The following GRIN2A variants were observed in gnomAD, a reference collection of about 807,000 sequenced individuals.
The protein encoded by GRIN2A is glutamate ionotropic receptor NMDA type subunit 2A.
Under a neutral mutation model 113.4 loss-of-function variants are expected in GRIN2A, and 22 were observed. That is an observed-to-expected ratio of 0.19 (90% CI 0.14 to 0.28). GRIN2A has a LOEUF of 0.28. Among genes scored for constraint, GRIN2A ranks in the 10% least tolerant of loss-of-function variants. The probability of loss-of-function intolerance (pLI) is 1.00; values close to 1 mark genes in which losing one functional copy is unlikely to be tolerated. For missense variants in GRIN2A, 1,502 were observed against 1,887.0 expected, an observed-to-expected ratio of 0.80 and a Z score of 3.78; for synonymous variants, 827 against 738.4, an observed-to-expected ratio of 1.12 and a Z score of -1.94.
At chr16:10,159,544 G>A (rs1382181080) in intron 2 of GRIN2A, among the ~76,000 whole-genome samples, 1 of 151,952 alleles carries the variant, frequency 6.6e-6, no homozygotes, top group Non-Finnish European at 1.5e-5. Context: ...CATGCAAAAG[G>A]CAGATCATCA....
chr16:10,016,058 G>C (rs1025310912), intron 2 of GRIN2A, among the ~76,000 whole-genome samples: 1 of 147,458 alleles, frequency 6.8e-6, no homozygotes, highest in East Asian at 2.0e-4. Context: ...GGAGGTTGCA[G>C]TGAGCCAAGA....
intron 4 of GRIN2A, among the ~76,000 whole-genome samples, chr16:9,873,744 C>G (rs982070726): frequency 3.3e-5 from 5 of 152,204 alleles, no homozygotes; most frequent in African/African-American, 1.2e-4. Flanking sequence ...TCCCTGTATA[C>G]AGCATGGATG....
chr16:10,043,997 G>A (rs1359144803), intron 2 of GRIN2A, among the ~76,000 whole-genome samples: 3 of 88,212 alleles, frequency 3.4e-5, no homozygotes, highest in Admixed American at 1.2e-4. Context: ...ATACGTGTGT[G>A]TGTGTGTGTG....
At chr16:10,023,922 T>C (rs2046771179) in intron 2 of GRIN2A, among the ~76,000 whole-genome samples, 1 of 152,224 alleles carries the variant, frequency 6.6e-6, no homozygotes, top group South Asian at 2.1e-4. Flanking sequence ...TTAGGCCAGG[T>C]ACATCACACA....
intron 2 of GRIN2A, among the ~76,000 whole-genome samples, chr16:10,020,674 T>A (rs1012371262): frequency 6.6e-6 from 1 of 152,182 alleles, no homozygotes; most frequent in Admixed American, 6.5e-5. Flanking sequence ...AAAATGAGGA[T>A]AAATAATCAT....
At chr16:9,811,071 T>G (rs998732212) in intron 10 of GRIN2A, among the ~76,000 whole-genome samples, 26 of 152,154 alleles carry the variant, frequency 1.7e-4, no homozygotes, top group African/African-American at 6.0e-4. Flanking sequence ...ATGACCTTTT[T>G]AGCACCTGGG....
intron 2 of GRIN2A, among the ~76,000 whole-genome samples, chr16:10,077,529 C>T (rs72774158): frequency 0.091 from 13,834 of 152,244 alleles, 708 homozygotes; most frequent in Non-Finnish European, 0.11. Flanking sequence ...TCCACCTGTG[C>T]CCTCTTACAA....
At chr16:9,811,759 AAAAAACAAACAAAC>A (rs2042091046) in intron 10 of GRIN2A, among the ~76,000 whole-genome samples, 1 of 152,158 alleles carries the variant, frequency 6.6e-6, no homozygotes, top group Non-Finnish European at 1.5e-5. Context: ...GCTCTGTCTC[AAAAAACAAACAAAC>A]AAAAACAAAC....
chr16:10,008,201 T>A (rs1160511391), intron 2 of GRIN2A, among the ~76,000 whole-genome samples: 1 of 152,154 alleles, frequency 6.6e-6, no homozygotes, highest in Non-Finnish European at 1.5e-5. Flanking sequence ...CATGATCTTA[T>A]GACAGTGCCT....
At chr16:10,064,448 T>A (rs2047609924) in intron 2 of GRIN2A, among the ~76,000 whole-genome samples, 1 of 152,160 alleles carries the variant, frequency 6.6e-6, no homozygotes, top group Admixed American at 6.5e-5. Flanking sequence ...ACTAGGACTT[T>A]ATCAACGGGA....
intron 2 of GRIN2A, among the ~76,000 whole-genome samples, chr16:10,056,167 G>A (rs1477626894): frequency 6.6e-6 from 1 of 152,116 alleles, no homozygotes; most frequent in Non-Finnish European, 1.5e-5. Context: ...TAACAGAGAA[G>A]ATAAATACAT....
In GRIN2A at chr16:9,810,280, A is replaced by G. The variant is rs114754017; in HGVS notation, c.2169-11816T>C. The stretch of plus-strand genomic sequence containing the variant: ...AGCACACCCAGATAAAGTACTGGGC[A>G]GCATGGCCTCTTCCCCTGGTCCCCA... On this transcript the variant is annotated intron_variant, in intron 10 of 12. Transcript: ENST00000330684. 7.3e-3 allele frequency among the ~76,000 whole-genome samples: 1,108 copies of G among 152,272 alleles called. 17 individuals carry two copies. The highest frequency in any genetic ancestry group is 0.025 in the African/African-American group (1,041 of 41,544).
At chr16:9,845,080 G>A (rs2042748603) in intron 5 of GRIN2A, among the ~76,000 whole-genome samples, 1 of 152,050 alleles carries the variant, frequency 6.6e-6, no homozygotes, top group Admixed American at 6.5e-5. Context: ...TGGGATTAGT[G>A]GATCCTAGCA....
chr16:9,808,874 C>G (rs2042032210), intron 10 of GRIN2A, among the ~76,000 whole-genome samples: 2 of 152,036 alleles, frequency 1.3e-5, no homozygotes. Context: ...CCCAACGATC[C>G]TTAACACAGC....
At chr16:9,914,759 A>C (rs1247520249) in intron 3 of GRIN2A, among the ~76,000 whole-genome samples, 1 of 151,976 alleles carries the variant, frequency 6.6e-6, no homozygotes, top group Non-Finnish European at 1.5e-5. Flanking sequence ...TGATAGCAGC[A>C]GTTAGACAAG....
At chr16:10,149,007 G>A (rs1331358471) in intron 2 of GRIN2A, among the ~76,000 whole-genome samples, 2 of 152,206 alleles carry the variant, frequency 1.3e-5, no homozygotes, top group South Asian at 4.1e-4. Context: ...ATCTGTGGGA[G>A]CTAAAAATGA....
rs1337508515 is a variant in GRIN2A at position 10,022,031 on chromosome 16, G to A, written c.415-83480C>T. On this transcript the variant is annotated intron_variant, in intron 2 of 12. Transcript: ENST00000330684. Reference sequence around the variant, plus strand: ...AATACCTCATACAGAACACCTTGCTGTTCCTCCATGTCCCACCTTGACACC... The same window carrying A: ...AATACCTCATACAGAACACCTTGCTATTCCTCCATGTCCCACCTTGACACC... Among the ~76,000 whole-genome samples the A allele has an allele frequency of 3.9e-5, 6 of 152,110 alleles. No individual in the cohort carries two copies. The South Asian group carries it at 6.2e-4, about 16-fold the overall frequency.
At chr16:9,802,149 A>G (rs1261962771) in intron 10 of GRIN2A, among the ~76,000 whole-genome samples, 1 of 152,216 alleles carries the variant, frequency 6.6e-6, no homozygotes, top group Non-Finnish European at 1.5e-5. Context: ...CCATTGTGGA[A>G]AGCAGTGTGG....
chr16:10,132,338 C>A (rs1279021293), intron 2 of GRIN2A, among the ~76,000 whole-genome samples: 1 of 48,492 alleles, frequency 2.1e-5, no homozygotes, highest in Non-Finnish European at 5.1e-5. Context: ...AAGACACCGT[C>A]TCAAAAAAAA....
Sources: gnomAD v4.1 joint callset for allele counts (sites outside exome capture counted in the v4.1 genomes callset) on GRCh38, gnomAD v4.1.1 for gene constraint, MANE v1.5 for transcripts, NCBI Gene and HGNC (gene_info 2026-07-23, HGNC 2026-07-21) for gene names.